The following DIAPH3 variants were observed in gnomAD, a reference collection of about 807,000 sequenced individuals.
DIAPH3 encodes diaphanous related formin 3.
Under a neutral mutation model 144.3 loss-of-function variants are expected in DIAPH3, and 117 were observed. The observed-to-expected ratio is 0.81, with a 90% CI of 0.70 to 0.95. DIAPH3 has a LOEUF of 0.95. Among genes scored for constraint, DIAPH3 ranks in the 40% least tolerant of loss-of-function variants. The probability of loss-of-function intolerance (pLI) is 0.00; values close to 1 mark genes in which losing one functional copy is unlikely to be tolerated. For synonymous variants in DIAPH3, 519 were observed against 488.9 expected (o/e 1.06, Z -0.81); for missense variants, 1,421 against 1,412.7 (o/e 1.01, Z -0.09).
intron 20 of DIAPH3, among the ~76,000 whole-genome samples, chr13:59,904,538 C>T (rs1444504582): frequency 6.6e-6 from 1 of 152,064 alleles, no homozygotes; most frequent in Non-Finnish European, 1.5e-5. Context: ...AGGGGCATTT[C>T]ATTCTCCATT....
intron 7 of DIAPH3, among the ~76,000 whole-genome samples, chr13:60,012,521 TA>T (rs2053345974): frequency 6.6e-6 from 1 of 152,234 alleles, no homozygotes; most frequent in African/African-American, 2.4e-5. Context: ...AAGTACCACT[TA>T]GATTCAATTC....
At chr13:60,018,497 G>GT (rs2053804248) in intron 5 of DIAPH3, among the ~76,000 whole-genome samples, 1 of 152,070 alleles carries the variant, frequency 6.6e-6, no homozygotes, top group South Asian at 2.1e-4. Flanking sequence ...CTAGAATAGT[G>GT]TGACTCATAG....
chr13:59,942,153 C>T (rs752701410), intron 17 of DIAPH3, among the ~76,000 whole-genome samples: 3 of 152,104 alleles, frequency 2.0e-5, no homozygotes, highest in Non-Finnish European at 4.4e-5. Context: ...TACAGATTTC[C>T]TTCATTACAA....
At chr13:60,162,480 T>C (rs990846962) in intron 1 of DIAPH3, among the ~76,000 whole-genome samples, 6 of 152,232 alleles carry the variant, frequency 3.9e-5, no homozygotes, top group Admixed American at 1.3e-4. Context: ...TTTGTCAAGA[T>C]AATGATCAAG....
chr13:60,062,356 C>A (rs969618930), intron 4 of DIAPH3, among the ~76,000 whole-genome samples: 1 of 152,082 alleles, frequency 6.6e-6, no homozygotes, highest in African/African-American at 2.4e-5. Flanking sequence ...CAAAAATGAA[C>A]AAAACCTGCA....
intron 27 of DIAPH3, among the ~76,000 whole-genome samples, chr13:59,704,344 G>A (rs2034294259): frequency 6.6e-6 from 1 of 152,206 alleles, no homozygotes; most frequent in Admixed American, 6.5e-5. Context: ...CAGACAGGTA[G>A]ACTTTGCTCC....
chr13:60,150,299 A>ATAGACATGAGCCACCGGCCAG (rs1951724121), intron 1 of DIAPH3, among the ~76,000 whole-genome samples: 1 of 152,164 alleles, frequency 6.6e-6, no homozygotes, highest in Non-Finnish European at 1.5e-5. Flanking sequence ...TGCTGGGATT[A>ATAGACATGAGCCACCGGCCAG]TAGACATGAG....
intron 18 of DIAPH3, among the ~76,000 whole-genome samples, chr13:59,919,477 A>T (rs2047407509): frequency 6.6e-6 from 1 of 152,128 alleles, no homozygotes. Context: ...TTCTCAACAG[A>T]AACCTTACAT....
chr13:59,839,829 C>T (rs1393173286), intron 22 of DIAPH3, among the ~76,000 whole-genome samples: 1 of 152,158 alleles, frequency 6.6e-6, no homozygotes, highest in Non-Finnish European at 1.5e-5. Context: ...TCAAAATCAT[C>T]TCTTGACAGG....
At chr13:60,013,708 T>C (rs1009707353) in intron 7 of DIAPH3, among the ~76,000 whole-genome samples, 1 of 152,138 alleles carries the variant, frequency 6.6e-6, no homozygotes, top group African/African-American at 2.4e-5. Context: ...TTTTTCCTCT[T>C]AAAACTTATA....
At chr13:60,033,488 G>A (rs1042316835) in intron 5 of DIAPH3, among the ~76,000 whole-genome samples, 6 of 152,128 alleles carry the variant, frequency 3.9e-5, no homozygotes, top group Admixed American at 6.5e-5. Context: ...CTTCTGGGTC[G>A]GCCTTAGGAA....
intron 12 of DIAPH3, among the ~76,000 whole-genome samples, chr13:59,988,123 A>G (rs1260373673): frequency 2.0e-5 from 3 of 151,836 alleles, no homozygotes; most frequent in South Asian, 2.1e-4. Flanking sequence ...ACAGCTTAAC[A>G]CTAGCAAAGA....
intron 27 of DIAPH3, among the ~76,000 whole-genome samples, chr13:59,670,675 C>T (rs538848851): frequency 2.6e-5 from 4 of 151,818 alleles, no homozygotes; most frequent in East Asian, 3.9e-4. Flanking sequence ...CTCCACCTCC[C>T]GGGTTCACGC....
chr13:59,783,490 T>C (rs751737925), intron 25 of DIAPH3, among the ~76,000 whole-genome samples: 1 of 152,236 alleles, frequency 6.6e-6, no homozygotes, highest in East Asian at 1.9e-4. Flanking sequence ...GGTTTAAAAC[T>C]TGGGAAAGAG....
At chr13:59,998,722 T>C (rs1291127967) in intron 9 of DIAPH3, among the ~76,000 whole-genome samples, 4 of 152,164 alleles carry the variant, frequency 2.6e-5, no homozygotes, top group Non-Finnish European at 4.4e-5. Context: ...GCTTATTATT[T>C]ACTGATCCAT....
At chr13:60,106,304 A>G (rs1378315340) in intron 3 of DIAPH3, among the ~76,000 whole-genome samples, 1 of 152,182 alleles carries the variant, frequency 6.6e-6, no homozygotes, top group Non-Finnish European at 1.5e-5. Flanking sequence ...GATCTATAAC[A>G]TTAGAGATAT....
chr13:59,783,408 T>G (rs1043869840), intron 25 of DIAPH3, among the ~76,000 whole-genome samples: 1 of 152,210 alleles, frequency 6.6e-6, no homozygotes, highest in Non-Finnish European at 1.5e-5. Context: ...TTTGGATATG[T>G]TAAGTTGAAA....
intron 22 of DIAPH3, among the ~76,000 whole-genome samples, chr13:59,848,205 G>A (rs2042762277): frequency 6.6e-6 from 1 of 151,584 alleles, no homozygotes; most frequent in Non-Finnish European, 1.5e-5. Flanking sequence ...CCTCAACAGA[G>A]CAGCCAAAGC....
At chr13:59,776,284 T>C (rs2038407809) in intron 25 of DIAPH3, among the ~76,000 whole-genome samples, 1 of 152,224 alleles carries the variant, frequency 6.6e-6, no homozygotes, top group South Asian at 2.1e-4. Flanking sequence ...GTACTAAACC[T>C]TGTAGGTGTT....
Sources: allele counts gnomAD v4.1 joint callset (sites outside exome capture counted in the v4.1 genomes callset), GRCh38; gene constraint gnomAD v4.1.1; transcripts MANE v1.5; gene names NCBI Gene and HGNC (gene_info 2026-07-23, HGNC 2026-07-21).